GNAS: variants seen among roughly 807,000 people sequenced by gnomAD.
GNAS encodes the protein protein ALEX.
GNAS carries 8 observed loss-of-function variants against 54.5 expected under a neutral mutation model. That is an observed-to-expected ratio of 0.15 (90% confidence interval 0.09 to 0.26). The LOEUF is 0.26. GNAS is among the 10% of genes least tolerant of loss of function. The pLI is 1.00. For synonymous variants in GNAS, 204 were observed against 191.4 expected (o/e 1.07, Z -0.54); for missense variants, 170 against 529.8 (o/e 0.32, Z 6.67).
At position 58,891,792 on chromosome 20, in the gene GNAS, CA is replaced by C; in HGVS notation, c.68del (p.Asn23ThrfsTer35). On this transcript the variant is annotated frameshift_variant, in exon 1 of 13. Transcript: ENST00000371085. LOFTEE classifies it high-confidence loss of function. ...ACGAGGAGAAGGCGCAGCGTGAGGCCAACAAAAAGATCGAGAAGCAGCTGCA... is the reference window on the plus strand; with the variant it reads ...ACGAGGAGAAGGCGCAGCGTGAGGCCACAAAAAGATCGAGAAGCAGCTGCA... Reference protein sequence around the residue: ...RNEEKAQREANKKIEKQLQKD... With the variant: ...RNEEKAQREAXKKIEKQLQKD... The C allele has an allele frequency of 7.8e-7, 1 of 1,287,714 alleles. No individual in the cohort carries two copies. The highest frequency in any genetic ancestry group is 1.0e-6 in the Non-Finnish European group (1 of 977,658). 79.8% of individuals were successfully genotyped at this position (1,287,714 alleles called of 1,614,324 possible). A position where few individuals can be genotyped will look rare whatever the true frequency, so the allele number is the denominator to read the frequency against.
chr20:58,841,938 A>G lies in GNAS; in HGVS notation c.43+1052A>G, dbSNP rs2085747351. On this transcript the variant is annotated intron_variant, in intron 1 of 12. Transcript: ENST00000306090. This position sits in a 1 kb window ranked among gnomAD's most constrained non-coding sequence, Gnocchi z 5.0. ...GCGTCTAACATCAGGATAACTTACA[A>G]TTCGTTTCCAAAGAGCGCGGTACGC... 4 of 1,189,834 alleles carry G rather than the reference A, an allele frequency of 3.4e-6. No individual in the cohort carries two copies. Among genetic ancestry groups the G allele is most frequent in the South Asian group, 4.3e-5 (1 of 23,470 alleles). The allele number at this position is 1,189,834 out of a possible 1,614,324, so 73.7% of individuals were successfully genotyped here.
At chr20:58,889,700 G>A (rs1441990015), upstream of GNAS, among the ~76,000 whole-genome samples, 3 of 151,214 alleles carry the variant, frequency 2.0e-5, no homozygotes, top group Admixed American at 2.0e-4. Flanking sequence ...TAACTCTTAG[G>A]CAGCCAGCCC....
intron 1 of GNAS, chr20:58,895,280 C>T: frequency 2.7e-6 from 1 of 371,396 alleles, no homozygotes; most frequent in Non-Finnish European, 5.1e-6. Flanking sequence ...TCTTGTTTAC[C>T]CCACAAATGA....
chr20:58,875,126 C>T lies in GNAS; in HGVS notation c.44-20486C>T, dbSNP rs190907400. 2.6e-5 allele frequency among the ~76,000 whole-genome samples: 4 copies of T among 152,314 alleles called. No individual in the cohort carries two copies. In the East Asian group the frequency reaches 7.7e-4, roughly 29 times the overall value. On this transcript the variant is annotated intron_variant, in intron 1 of 12. Coordinates refer to the GNAS transcript ENST00000306090. Reference sequence around the variant, plus strand: ...TGGATGACTGAACTGAAAGAACTCTCAGGTGAACTTTGCTCCATAGTGAAT... The same window carrying T: ...TGGATGACTGAACTGAAAGAACTCTTAGGTGAACTTTGCTCCATAGTGAAT...
Position 58,857,468 on chromosome 20 carries a change from T to C in GNAS, c.43+16582T>C, listed in dbSNP as rs1389980093. On this transcript the variant is annotated intron_variant, in intron 1 of 12. Transcript: ENST00000306090. This position sits in a 1 kb window ranked among gnomAD's most constrained non-coding sequence, Gnocchi z 4.1. ...CAGCTCTGGGAAGCAAACCTGTAGATTGGGGGTGGGAGGACATAAATGCAT... is the reference window on the plus strand; with the variant it reads ...CAGCTCTGGGAAGCAAACCTGTAGACTGGGGGTGGGAGGACATAAATGCAT... Among the ~76,000 whole-genome samples, 5 of 152,080 alleles carry C rather than the reference T, an allele frequency of 3.3e-5. No individual in the cohort carries two copies. The highest frequency in any genetic ancestry group is 2.6e-4 in the Admixed American group (4 of 15,278).
At position 58,909,880 on chromosome 20, in the gene GNAS, G is replaced by A. The variant is rs1367938538; in HGVS notation, c.840-71G>A. On this transcript the variant is annotated intron_variant, in intron 10 of 12. Transcript: ENST00000371085. This position sits in a 1 kb window ranked among gnomAD's most constrained non-coding sequence, Gnocchi z 7.3. ...TGCACTGTTTATAGAGAAGAACCCC[G>A]TGCAAGCATTCCAGACCCCTGGCCG... 44 of 1,612,614 alleles carry A rather than the reference G, an allele frequency of 2.7e-5. No homozygotes were observed. In the East Asian group the frequency reaches 6.0e-4, roughly 22 times the overall value.
chr20:58,891,939 G>GCCCGCCC (rs1040959282), intron 1 of GNAS, 74 bp downstream of exon 1: 19 of 890,690 alleles, frequency 2.1e-5, no homozygotes, highest in Non-Finnish European at 2.5e-5. Context: ...CGCGCGCCGA[G>GCCCGCCC]CCCGCCCCCC....
chr20:58,904,810 TTGAAA>T (rs2090933385), intron 5 of GNAS, among the ~76,000 whole-genome samples: 1 of 152,248 alleles, frequency 6.6e-6, no homozygotes, highest in African/African-American at 2.4e-5. Flanking sequence ...ACTGACTTTC[TTGAAA>T]TATGATTCTA....
intron 1 of GNAS, among the ~76,000 whole-genome samples, chr20:58,851,856 G>T (rs559307696): frequency 9.8e-5 from 15 of 152,324 alleles, no homozygotes; most frequent in African/African-American, 3.6e-4. Context: ...GGGGCTAAAG[G>T]AGCTGACTGA....
chr20:58,906,841 G>A (rs1247885801), intron 6 of GNAS, among the ~76,000 whole-genome samples: 1 of 152,166 alleles, frequency 6.6e-6, no homozygotes, highest in Non-Finnish European at 1.5e-5. Context: ...AAAATGTAAA[G>A]ATATCTTCTG....
chr20:58,866,233 A>T (rs1250416529), intron 1 of GNAS, among the ~76,000 whole-genome samples: 1 of 152,160 alleles, frequency 6.6e-6, no homozygotes, highest in East Asian at 1.9e-4. Context: ...CATGGAGGTG[A>T]CCTATAAACT....
intron 3 of GNAS, among the ~76,000 whole-genome samples, chr20:58,902,477 A>G (rs1282164084): frequency 6.6e-6 from 1 of 152,120 alleles, no homozygotes; most frequent in Non-Finnish European, 1.5e-5. Context: ...GTGACCCTGA[A>G]TATAGATCAT....
At chr20:58,840,312 A>T (rs756711953), upstream of GNAS, 54 of 1,612,118 alleles carry the variant, frequency 3.3e-5, no homozygotes, top group Admixed American at 8.5e-4. The surrounding 1 kb of genome is among the most constrained non-coding windows in gnomAD (Gnocchi z 6.0). Context: ...AACGCCCACC[A>T]CCGCTCCGGC....
At chr20:58,890,194 T>A (rs995497030), upstream of GNAS, among the ~76,000 whole-genome samples, 2 of 151,134 alleles carry the variant, frequency 1.3e-5, no homozygotes, top group Admixed American at 6.6e-5. Context: ...ATGGAGAAGA[T>A]GCTGAAGAAG....
At chr20:58,868,059 C>A (rs1183585465) in intron 1 of GNAS, among the ~76,000 whole-genome samples, 2 of 146,792 alleles carry the variant, frequency 1.4e-5, no homozygotes, top group Non-Finnish European at 3.0e-5. Context: ...CTTGCTCTGT[C>A]ACCCAGGCTG....
At chr20:58,899,610 C>G in intron 3 of GNAS, 1 of 588,268 alleles carries the variant, frequency 1.7e-6, no homozygotes, top group Non-Finnish European at 3.1e-6. Flanking sequence ...CATTCATTAT[C>G]AAATTATTTT....
chr20:58,851,490 C>T (rs773963697), intron 1 of GNAS, among the ~76,000 whole-genome samples: 4 of 152,176 alleles, frequency 2.6e-5, no homozygotes, highest in African/African-American at 7.2e-5. Flanking sequence ...AGACGTGGCT[C>T]GCCAATCTGT....
chr20:58,882,943 C>T (rs1005207816), intron 1 of GNAS: 23 of 152,268 alleles, frequency 1.5e-4, no homozygotes, highest in South Asian at 6.2e-4. Flanking sequence ...CTGCTTCCTA[C>T]GATCAGCAGC....
At position 58,891,667 on chromosome 20, in the gene GNAS, A is replaced by C. The variant is rs1274592676; in HGVS notation, c.-60A>C. On this transcript the variant is annotated 5_prime_UTR_variant, in exon 1 of 13. Coordinates refer to ENST00000371085, the MANE Select transcript of GNAS (RefSeq NM_000516.7). ...TGCCCCGGCCCTCCCGGCCCGCGTGAGGCCGCCCGCGCCCGCCGCCGCCGC... is the reference window on the plus strand; with the variant it reads ...TGCCCCGGCCCTCCCGGCCCGCGTGCGGCCGCCCGCGCCCGCCGCCGCCGC... The C allele has an allele frequency of 6.3e-6, 6 of 953,074 alleles. No individual in the cohort carries two copies. In the Admixed American group the frequency reaches 3.7e-4, roughly 59 times the overall value. The allele number at this position is 953,074 out of a possible 1,614,324, so 59.0% of individuals were successfully genotyped here.
Sources: gnomAD v4.1 joint callset for allele counts (sites outside exome capture counted in the v4.1 genomes callset) on GRCh38, gnomAD v4.1.1 for gene constraint, Gnocchi (gnomAD v3.1) non-coding constraint, MANE v1.5 for transcripts, NCBI Gene and HGNC (gene_info 2026-07-23, HGNC 2026-07-21) for gene names.